TANC1: variants seen among roughly 807,000 people sequenced by gnomAD.
The protein encoded by TANC1 is protein TANC1.
TANC1 carries 77 observed loss-of-function variants against 149.7 expected under a neutral mutation model. That is an observed-to-expected ratio of 0.51 (90% CI 0.43 to 0.62). The LOEUF (loss-of-function observed/expected upper bound fraction) is 0.62. TANC1 is among the 20% of genes least tolerant of loss of function. The pLI, the probability that TANC1 is intolerant of heterozygous loss-of-function variation, is 0.00. For missense variants in TANC1, 1,985 were observed against 2,321.8 expected, an observed-to-expected ratio of 0.85 and a Z score of 2.98; for synonymous variants, 854 against 925.0, an observed-to-expected ratio of 0.92 and a Z score of 1.39.
chr2:159,212,223 C>T lies in TANC1; in HGVS notation c.3245-5274C>T, dbSNP rs531083535. On this transcript the variant is annotated intron_variant, in intron 19 of 26. Transcript: ENST00000263635. ...GTCCTGTGTTTATTCCTTTGCATGG[C>T]ATCATGCAAAGGCCCTGCCTCTGCG... Among the ~76,000 whole-genome samples the T allele has an allele frequency of 5.3e-5, 8 of 152,316 alleles. No individual in the cohort carries two copies. The East Asian group carries it at 1.5e-3, about 29-fold the overall frequency.
rs532320385 is a variant in TANC1, at chr2:159,057,328, T to G, written c.-15-8568T>G. Among the ~76,000 whole-genome samples, 4 of 152,360 alleles carry G rather than the reference T, an allele frequency of 2.6e-5. No homozygotes were observed. In the South Asian group the frequency reaches 8.3e-4, roughly 32 times the overall value. On this transcript the variant is annotated intron_variant, in intron 2 of 26. Transcript: ENST00000263635. ...GTAGACAAAATGGAGGCATGAATGT[T>G]TTTAGCTTCCTGCTCATGTTTGTCC...
chr2:159,227,779 C>T (rs1433690842), intron 24 of TANC1, 40 bp from the exon 25 acceptor site: 3 of 1,610,254 alleles, frequency 1.9e-6, no homozygotes, highest in Non-Finnish European at 2.5e-6. Context: ...ATTTTAGAAC[C>T]TCTGAAAAAG....
At chr2:159,125,837 CTCGG>C (rs1049501963) in intron 4 of TANC1, among the ~76,000 whole-genome samples, 2 of 152,158 alleles carry the variant, frequency 1.3e-5, no homozygotes, top group Non-Finnish European at 2.9e-5. Flanking sequence ...ATCCACCCGC[CTCGG>C]TCTCCCAAAG....
chr2:159,164,841 G>A (rs2054413117), intron 8 of TANC1, among the ~76,000 whole-genome samples: 3 of 152,190 alleles, frequency 2.0e-5, no homozygotes, highest in Admixed American at 6.5e-5. Flanking sequence ...CACTTTCAAA[G>A]GAAGTGAAAT....
chr2:159,048,001 A>AT (rs1022279935), intron 2 of TANC1, among the ~76,000 whole-genome samples: 8 of 152,022 alleles, frequency 5.3e-5, no homozygotes, highest in Admixed American at 6.5e-5. Context: ...TTTATTTCTG[A>AT]TTTTTTTTCA....
intron 3 of TANC1, among the ~76,000 whole-genome samples, chr2:159,067,218 G>A (rs754262959): frequency 1.4e-4 from 22 of 152,198 alleles, no homozygotes; most frequent in East Asian, 7.7e-4. Context: ...GATTTCTAAC[G>A]TTTTTGGTTA....
chr2:159,209,269 C>A (rs2058831739), intron 19 of TANC1, among the ~76,000 whole-genome samples: 1 of 152,160 alleles, frequency 6.6e-6, no homozygotes, highest in Non-Finnish European at 1.5e-5. Context: ...TCATTTTATC[C>A]TTTAAATTGT....
chr2:159,004,097 A>G, intron 2 of TANC1: 1 of 1,611,970 alleles, frequency 6.2e-7, no homozygotes, highest in Admixed American at 1.7e-5. Flanking sequence ...ATACCTTTGC[A>G]ATTACTGGTC....
Position 159,219,243 on chromosome 2 carries a change from T to C in TANC1, c.3384T>C (p.Val1128=). The change falls in exon 21 of 27, where the codon GTT becomes GTC. Residue 1128 remains valine (V), a synonymous_variant. Coordinates refer to ENST00000263635, the MANE Select transcript of TANC1 (RefSeq NM_033394.3). ...ATTCCAAATGTCTCTTCCAGATTGT[T>C]AGACTGCTGTTGGAACGCGGCTGTG... ...CAARQGHWQI[V]RLLLERGCDV... The C allele has an allele frequency of 6.2e-7, 1 of 1,614,176 alleles. No homozygotes were observed. The highest frequency in any genetic ancestry group is 8.5e-7 in the Non-Finnish European group (1 of 1,180,032).
intron 2 of TANC1, among the ~76,000 whole-genome samples, chr2:159,042,072 C>T (rs1574294654): frequency 6.6e-6 from 1 of 152,276 alleles, no homozygotes; most frequent in East Asian, 1.9e-4. Context: ...GAACCCATCC[C>T]CTGTATTACT....
At chr2:159,164,144 T>C (rs1408214158) in intron 8 of TANC1, among the ~76,000 whole-genome samples, 1 of 151,920 alleles carries the variant, frequency 6.6e-6, no homozygotes, top group Non-Finnish European at 1.5e-5. Context: ...GGCTGGCAAC[T>C]GTCAGTAGTC....
rs568618034 is a variant in TANC1, at chr2:159,211,843, G to C, written c.3245-5654G>C. Among the ~76,000 whole-genome samples the C allele has an allele frequency of 5.3e-5, 8 of 152,358 alleles. No homozygotes were observed. The South Asian group carries it at 1.2e-3, about 24-fold the overall frequency. ...TCTGTTTTAAGCCTGAGCATAGTCT[G>C]CCTGTGCTTACAGGTTTTTAGTTGC... On this transcript the variant is annotated intron_variant, in intron 19 of 26. Coordinates refer to ENST00000263635, the MANE Select transcript of TANC1 (RefSeq NM_033394.3).
rs144014128 is a variant in TANC1 at position 159,072,646 on chromosome 2, T to C, written c.61+6675T>C. On this transcript the variant is annotated intron_variant, in intron 3 of 26. Transcript: ENST00000263635. ...AACAAAACCCTTAAAAATATATAAA[T>C]AAAAGATATACCTAATGTTAAAGGA... Among the ~76,000 whole-genome samples the C allele has an allele frequency of 2.7e-3, 412 of 152,128 alleles. 2 individuals carry two copies. Among genetic ancestry groups the C allele is most frequent in the African/African-American group, 9.4e-3 (389 of 41,478 alleles).
rs1016764524 is a variant in TANC1, at chr2:159,231,267, C to T, written c.*255C>T. ...AAGACAGCCCAGAAGACATTAATGA[C>T]TCTCACTTATGAAATTGTTTGGCTT... On this transcript the variant is annotated 3_prime_UTR_variant, in exon 27 of 27. Transcript: ENST00000263635. The T allele has an allele frequency of 5.7e-6, 2 of 347,908 alleles. No homozygotes were observed. Among genetic ancestry groups the T allele is most frequent in the Non-Finnish European group, 1.0e-5 (2 of 192,560 alleles). 21.6% of individuals were successfully genotyped at this position (347,908 alleles called of 1,614,324 possible). A position where few individuals can be genotyped will look rare whatever the true frequency, so the allele number is the denominator to read the frequency against.
intron 4 of TANC1, among the ~76,000 whole-genome samples, chr2:159,133,557 C>A (rs901919528): frequency 2.0e-5 from 3 of 152,062 alleles, no homozygotes; most frequent in African/African-American, 7.2e-5. Flanking sequence ...TCAGGCCCTT[C>A]TTTCTAGTTT....
At chr2:159,126,229 T>G (rs1366027361) in intron 4 of TANC1, among the ~76,000 whole-genome samples, 8 of 152,194 alleles carry the variant, frequency 5.3e-5, no homozygotes, top group African/African-American at 1.9e-4. Flanking sequence ...CTTTAGAATT[T>G]GGCCCACCAA....
At chr2:159,186,875 T>C (rs1203554938) in intron 15 of TANC1, 27 bp from the exon 16 acceptor site, 2 of 1,614,016 alleles carry the variant, frequency 1.2e-6, no homozygotes, top group Non-Finnish European at 8.5e-7. Flanking sequence ...TCTGATTGTT[T>C]CCAAGATCTG....
At chr2:159,014,156 A>G (rs1205356492) in intron 2 of TANC1, among the ~76,000 whole-genome samples, 1 of 152,198 alleles carries the variant, frequency 6.6e-6, no homozygotes, top group Non-Finnish European at 1.5e-5. Context: ...ACTGCTGATA[A>G]AGACATACCT....
chr2:159,019,226 T>TG (rs1428893505), intron 2 of TANC1, among the ~76,000 whole-genome samples: 1 of 152,142 alleles, frequency 6.6e-6, no homozygotes, highest in East Asian at 1.9e-4. Context: ...TGCACTGGGC[T>TG]GGGGGAGGGA....
Sources: allele counts gnomAD v4.1 joint callset (sites outside exome capture counted in the v4.1 genomes callset), GRCh38; gene constraint gnomAD v4.1.1; transcripts MANE v1.5; gene names NCBI Gene and HGNC (gene_info 2026-07-23, HGNC 2026-07-21).